The following GRK5 variants were observed in gnomAD, a reference collection of about 807,000 sequenced individuals.
GRK5 encodes the protein g protein-coupled receptor kinase GRK5.
In GRK5, 40 loss-of-function variants were observed where a neutral mutation model predicts 78.4. The ratio of observed to expected loss-of-function variants is 0.51; its 90% confidence interval spans 0.40 to 0.66. The LOEUF (loss-of-function observed/expected upper bound fraction) is 0.66. Ranked by LOEUF, GRK5 falls within the 30% of genes least tolerant of loss-of-function variation. The probability of loss-of-function intolerance (pLI) is 0.00; values close to 1 mark genes in which losing one functional copy is unlikely to be tolerated. For synonymous variants in GRK5, 289 were observed against 296.8 expected, an observed-to-expected ratio of 0.97 and a Z score of 0.27; for missense variants, 598 against 759.9, an observed-to-expected ratio of 0.79 and a Z score of 2.50.
chr10:119,436,867 CAAGT>C, intron 9 of GRK5, 26 bp downstream of exon 9: 1 of 1,565,726 alleles, frequency 6.4e-7, no homozygotes, highest in Non-Finnish European at 8.7e-7. Context: ...CAAGGACTTC[CAAGT>C]CTAAGTCCGA....
At chr10:119,308,114 C>T (rs1850302336) in intron 1 of GRK5, among the ~76,000 whole-genome samples, 1 of 152,034 alleles carries the variant, frequency 6.6e-6, no homozygotes, top group South Asian at 2.1e-4. Flanking sequence ...CTTTGTAGGC[C>T]GAACCTGCAG....
intron 15 of GRK5, among the ~76,000 whole-genome samples, chr10:119,453,958 A>ATTGG (rs1369015440): frequency 5.2e-4 from 79 of 151,154 alleles, no homozygotes; most frequent in Non-Finnish European, 9.6e-4. Flanking sequence ...CCCCCACCTC[A>ATTGG]CCCCACACCA....
In GRK5 at chr10:119,445,162, G is replaced by A. The variant is rs2133911536; in HGVS notation, c.1266+1410G>A. Among the ~76,000 whole-genome samples, 1 of 152,314 alleles carries A rather than the reference G, an allele frequency of 6.6e-6. No individual in the cohort carries two copies. The highest frequency in any genetic ancestry group is 2.1e-4 in the South Asian group (1 of 4,826). On this transcript the variant is annotated intron_variant, in intron 12 of 15. Transcript: ENST00000392870. The surrounding 1 kb of genome is among the most constrained non-coding windows in gnomAD (Gnocchi z 4.1). ...ACATGGTCATCGCAGCCAGGGCTAG[G>A]GTGGGGGGACCGGAGGAGCAGTGCA...
rs561335020 is a variant in GRK5 at position 119,238,024 on chromosome 10, A to G, written c.52+30055A>G. Among the ~76,000 whole-genome samples, 2 of 152,150 alleles carry G rather than the reference A, an allele frequency of 1.3e-5. No individual in the cohort carries two copies. Among genetic ancestry groups the G allele is most frequent in the African/African-American group, 4.8e-5 (2 of 41,426 alleles). ...CTTGCTTCTTGCATTTCCTGTCTTT[A>G]AACTTACGAACTAAAGGGCTTGAGG... On this transcript the variant is annotated intron_variant, in intron 1 of 15. Coordinates refer to ENST00000392870, the MANE Select transcript of GRK5 (RefSeq NM_005308.3). The surrounding 1 kb of genome is among the most constrained non-coding windows in gnomAD (Gnocchi z 4.7).
Position 119,326,278 on chromosome 10 carries a change from A to G in GRK5, c.53-238A>G, listed in dbSNP as rs115678955. Reference sequence around the variant, plus strand: ...TGTGGGTGGGGTGCAGGGGAGCCCTAGGCCTCACTGCTAGGGGGCCGGGGT... The same window carrying G: ...TGTGGGTGGGGTGCAGGGGAGCCCTGGGCCTCACTGCTAGGGGGCCGGGGT... On this transcript the variant is annotated intron_variant, in intron 1 of 15. Transcript: ENST00000392870. Among the ~76,000 whole-genome samples the G allele has an allele frequency of 6.8e-3, 1,038 of 152,282 alleles. 18 individuals carry two copies. The highest frequency in any genetic ancestry group is 0.024 in the African/African-American group (1,001 of 41,564).
intron 6 of GRK5, among the ~76,000 whole-genome samples, chr10:119,425,294 C>CACACACAA (rs1554920958): frequency 6.6e-5 from 10 of 150,854 alleles, no homozygotes; most frequent in Non-Finnish European, 1.2e-4. Context: ...CACACACACA[C>CACACACAA]ACAAACACAC....
At position 119,412,241 on chromosome 10, in the gene GRK5, G is replaced by A. The variant is rs1852360810; in HGVS notation, c.340-10925G>A. ...TGAACTCAAAAGAGGCACAGTGAGA[G>A]CCTTCCAGCCTCGATCACAAGGACC... is the stretch of plus-strand genomic sequence containing the variant. On this transcript the variant is annotated intron_variant, in intron 4 of 15. Transcript: ENST00000392870. The surrounding 1 kb of genome is among the most constrained non-coding windows in gnomAD (Gnocchi z 4.3). Among the ~76,000 whole-genome samples, 1 of 152,166 alleles carries A rather than the reference G, an allele frequency of 6.6e-6. No individual in the cohort carries two copies. Among genetic ancestry groups the A allele is most frequent in the South Asian group, 2.1e-4 (1 of 4,828 alleles).
chr10:119,211,060 A>G (rs1848478355), intron 1 of GRK5, among the ~76,000 whole-genome samples: 1 of 127,516 alleles, frequency 7.8e-6, no homozygotes, highest in South Asian at 2.3e-4. Context: ...AGCAAGCTTC[A>G]TGAACACTTG....
In GRK5 at chr10:119,378,612, C is replaced by T. The variant is rs955958495; in HGVS notation, c.149-2203C>T. Among the ~76,000 whole-genome samples the T allele has an allele frequency of 2.2e-4, 33 of 152,230 alleles. No homozygotes were observed. The highest frequency in any genetic ancestry group is 4.1e-4 in the South Asian group (2 of 4,832). On this transcript the variant is annotated intron_variant, in intron 2 of 15. Coordinates refer to ENST00000392870, the MANE Select transcript of GRK5 (RefSeq NM_005308.3). This position sits in a 1 kb window ranked among gnomAD's most constrained non-coding sequence, Gnocchi z 4.5. ...TGTCCCCGTGTGGTGAATAAATGCC[C>T]GGGAGGGCGGGCTGCCTTCAGGGCT...
intron 2 of GRK5, among the ~76,000 whole-genome samples, chr10:119,355,679 C>T (rs937217968): frequency 6.6e-6 from 1 of 152,136 alleles, no homozygotes; most frequent in Non-Finnish European, 1.5e-5. Flanking sequence ...ACTCAGGAGG[C>T]TGAGGCAGGA....
At chr10:119,236,405 G>A (rs1370303819) in intron 1 of GRK5, among the ~76,000 whole-genome samples, 3 of 151,970 alleles carry the variant, frequency 2.0e-5, no homozygotes, top group East Asian at 3.9e-4. Context: ...TAGTAGAGAT[G>A]GGGTTTCACT....
Position 119,217,525 on chromosome 10 carries a change from G to A in GRK5, c.52+9556G>A, listed in dbSNP as rs1848594262. ...CCTGGGCCCCTCCTACCAACACATC[G>A]GACAAGCGAGGCCAGCCTCTTGCGT... On this transcript the variant is annotated intron_variant, in intron 1 of 15. Transcript: ENST00000392870. This position sits in a 1 kb window ranked among gnomAD's most constrained non-coding sequence, Gnocchi z 4.1. Among the ~76,000 whole-genome samples, 1 of 152,186 alleles carries A rather than the reference G, an allele frequency of 6.6e-6. No individual in the cohort carries two copies. The highest frequency in any genetic ancestry group is 1.5e-5 in the Non-Finnish European group (1 of 68,036).
intron 4 of GRK5, among the ~76,000 whole-genome samples, chr10:119,398,681 AT>A (rs1387361889): frequency 1.3e-5 from 2 of 152,204 alleles, no homozygotes; most frequent in Non-Finnish European, 2.9e-5. Context: ...TGCAGATTAT[AT>A]TTGTTCCATC....
At chr10:119,269,942 G>A (rs961289376) in intron 1 of GRK5, among the ~76,000 whole-genome samples, 1 of 151,988 alleles carries the variant, frequency 6.6e-6, no homozygotes, top group African/African-American at 2.4e-5. Flanking sequence ...TTGGCCTTTG[G>A]GAGGGAGGGG....
intron 3 of GRK5, among the ~76,000 whole-genome samples, chr10:119,392,452 G>C (rs1161416125): frequency 1.3e-5 from 2 of 152,202 alleles, no homozygotes; most frequent in African/African-American, 4.8e-5. Context: ...CTCCAGGCTG[G>C]AGTGCAATGG....
At chr10:119,294,344 G>A (rs1850042164) in intron 1 of GRK5, among the ~76,000 whole-genome samples, 1 of 152,172 alleles carries the variant, frequency 6.6e-6, no homozygotes, top group African/African-American at 2.4e-5. Context: ...CGGTTGGTTA[G>A]ACGTGTCCCC....
intron 2 of GRK5, among the ~76,000 whole-genome samples, chr10:119,373,520 C>T (rs979504793): frequency 1.3e-5 from 2 of 152,210 alleles, no homozygotes; most frequent in Non-Finnish European, 2.9e-5. Context: ...GTCCCTTGCT[C>T]TTCTGTCATG....
intron 8 of GRK5, 131 bp from the exon 9 acceptor site, chr10:119,436,520 A>G (rs1340531608): frequency 5.8e-6 from 5 of 861,400 alleles, no homozygotes; most frequent in Middle Eastern, 3.5e-4. Flanking sequence ...CGCAGAGGCC[A>G]TCTGGGTGCA....
intron 1 of GRK5, among the ~76,000 whole-genome samples, chr10:119,290,026 C>T (rs1469037245): frequency 6.6e-6 from 1 of 152,078 alleles, no homozygotes; most frequent in Admixed American, 6.5e-5. Context: ...TAATAAGGAC[C>T]CCAGTTGCTG....
Sources: allele counts gnomAD v4.1 joint callset (sites outside exome capture counted in the v4.1 genomes callset), GRCh38; gene constraint gnomAD v4.1.1; non-coding constraint Gnocchi (gnomAD v3.1); transcripts MANE v1.5; gene names NCBI Gene and HGNC (gene_info 2026-07-23, HGNC 2026-07-21).